The following MYO15B variants were observed in gnomAD, a reference collection of about 807,000 sequenced individuals.
MYO15B encodes the protein myosin XVB.
Under a neutral mutation model 119.3 loss-of-function variants are expected in MYO15B, and 207 were observed. The observed-to-expected ratio is 1.73, with a 90% CI of 1.55 to 1.95. The LOEUF is 1.95. Ranked by LOEUF, MYO15B falls within the 30% of genes most tolerant of loss-of-function variation. The probability of loss-of-function intolerance (pLI) is 0.00; values close to 1 mark genes in which losing one functional copy is unlikely to be tolerated. For synonymous variants in MYO15B, 966 were observed against 498.9 expected, an observed-to-expected ratio of 1.94 and a Z score of -12.48; for missense variants, 2,264 against 1,203.1, an observed-to-expected ratio of 1.88 and a Z score of -13.04.
chr17:75,602,396 C>CCAGGTG (rs2057340875), intron 15 of MYO15B, 121 bp from the exon 16 acceptor site: 1 of 701,102 alleles, frequency 1.4e-6, no homozygotes, highest in Non-Finnish European at 2.6e-6. Context: ...AACACCAAGG[C>CCAGGTG]AGCCTTTCAG....
chr17:75,590,761 C>G (rs1051784759), intron 2 of MYO15B, 72 bp downstream of exon 2: 1 of 192,672 alleles, frequency 5.2e-6, no homozygotes, highest in African/African-American at 2.3e-5. Context: ...CTCCCTGGCA[C>G]CCCTGGAGAT....
intron 41 of MYO15B, chr17:75,617,512 T>C: frequency 5.4e-6 from 3 of 551,222 alleles, no homozygotes; most frequent in Non-Finnish European, 9.6e-6. Flanking sequence ...GGGGCTGTCA[T>C]CGAGAGGCTG....
At chr17:75,595,743 C>T (rs2056815406) in intron 12 of MYO15B, among the ~76,000 whole-genome samples, 1 of 152,186 alleles carries the variant, frequency 6.6e-6, no homozygotes, top group African/African-American at 2.4e-5. Context: ...CGCCTGTAGC[C>T]CCACTTCCCC....
intron 49 of MYO15B, 158 bp from the exon 50 acceptor site, chr17:75,620,873 C>T: frequency 1.4e-6 from 1 of 701,872 alleles, no homozygotes. Flanking sequence ...GTACTTAGTT[C>T]AAGGCTGCCC....
At position 75,594,275 on chromosome 17, in the gene MYO15B, C is replaced by T. The variant is rs532172948; in HGVS notation, c.2992-200C>T. 2.0e-4 allele frequency among the ~76,000 whole-genome samples: 30 copies of T among 152,120 alleles called. 1 individual carries two copies. Among genetic ancestry groups the T allele is most frequent in the Admixed American group, 1.3e-3 (20 of 15,278 alleles). ...AGGAAGGAGCCTGGCCAGAACTGTC[C>T]GCCAGCAAAGAGGGAAAGTAGGACT... On this transcript the variant is annotated intron_variant, in intron 9 of 63. Coordinates refer to ENST00000645453, the Ensembl canonical transcript of MYO15B.
chr17:75,621,628 C>T (rs2058717726), intron 52 of MYO15B, 58 bp downstream of exon 52: 5 of 684,072 alleles, frequency 7.3e-6, no homozygotes, highest in Middle Eastern at 2.6e-4. Flanking sequence ...ACCTGGGTGT[C>T]TGGTCCCCTT....
intron 21 of MYO15B, among the ~76,000 whole-genome samples, chr17:75,609,182 T>C (rs76514705): frequency 0.066 from 9,963 of 151,730 alleles, 358 homozygotes; most frequent in South Asian, 0.075. Flanking sequence ...CGACCAGTGG[T>C]GTTACTTTTT....
Position 75,611,666 on chromosome 17 carries a change from T to G in MYO15B, c.4504+8T>G. On this transcript the variant is annotated splice_region_variant and intron_variant, in intron 24 of 63. Coordinates refer to ENST00000645453, the Ensembl canonical transcript of MYO15B. ...TGCTGAAGACGGCGGAAAGTGAGTC[T>G]TGTTGGTGTCCTCTTGTTAGGACTC... The G allele has an allele frequency of 1.4e-6, 1 of 702,778 alleles. No individual in the cohort carries two copies. 43.5% of individuals were successfully genotyped at this position (702,778 alleles called of 1,614,324 possible). A position where few individuals can be genotyped will look rare whatever the true frequency, so the allele number is the denominator to read the frequency against.
rs1372462474 is a variant in MYO15B, at chr17:75,620,241, C to G, written c.7444-5C>G. ...TGCTCCAGGCCCTCGCCTGCTTGCC[C>G]ACAGGACTCCGGCTATGTCATCGCC... On this transcript the variant is annotated splice_region_variant and splice_polypyrimidine_tract_variant and intron_variant, in intron 47 of 63. Coordinates refer to ENST00000645453, the Ensembl canonical transcript of MYO15B. 2.8e-6 allele frequency: 2 copies of G among 702,474 alleles called. No homozygotes were observed. Among genetic ancestry groups the G allele is most frequent in the Non-Finnish European group, 5.2e-6 (2 of 384,966 alleles). The allele number at this position is 702,474 out of a possible 1,614,324, so 43.5% of individuals were successfully genotyped here. A position where few individuals can be genotyped will look rare whatever the true frequency, so the allele number is the denominator to read the frequency against.
chr17:75,597,807 T>C (rs2056965622), intron 14 of MYO15B, among the ~76,000 whole-genome samples: 2 of 152,134 alleles, frequency 1.3e-5, no homozygotes. Flanking sequence ...TTAGAGCTAC[T>C]TGGGAGGCTG....
chr17:75,609,279 C>T (rs957192580), intron 21 of MYO15B, among the ~76,000 whole-genome samples: 1 of 151,512 alleles, frequency 6.6e-6, no homozygotes, highest in Non-Finnish European at 1.5e-5. Context: ...CCAGTCATAG[C>T]TCCTACCTCA....
At chr17:75,615,944 G>A (rs924798343) in intron 36 of MYO15B, 60 bp downstream of exon 36, 29 of 614,230 alleles carry the variant, frequency 4.7e-5, no homozygotes, top group Middle Eastern at 2.5e-4. Context: ...AGGGGCAGGG[G>A]ACATGGGCAG....
Position 75,602,653 on chromosome 17 carries a change from C to G in MYO15B, c.3729+59C>G. 6 of 616,452 alleles carry G rather than the reference C, an allele frequency of 9.7e-6. No individual in the cohort carries two copies. In the South Asian group the frequency reaches 1.1e-4, roughly 12 times the overall value. 38.2% of individuals were successfully genotyped at this position (616,452 alleles called of 1,614,324 possible). A position where few individuals can be genotyped will look rare whatever the true frequency, so the allele number is the denominator to read the frequency against. ...CCATACTCTGTCCCCCAATTCTGTCCTTTTCCCCCTGGGCGCTCTTGCCCA... is the reference window on the plus strand; with the variant it reads ...CCATACTCTGTCCCCCAATTCTGTCGTTTTCCCCCTGGGCGCTCTTGCCCA... On this transcript the variant is annotated intron_variant, in intron 16 of 63. Transcript: ENST00000645453.
exon 24 of MYO15B, chr17:75,611,644 T>G: frequency 1.4e-6 from 1 of 702,836 alleles, no homozygotes; most frequent in Non-Finnish European, 2.6e-6. Flanking sequence ...GCCGTCATGC[T>G]GAAGACGGCG....
intron 22 of MYO15B, 133 bp from the exon 23 acceptor site, chr17:75,610,767 T>G: frequency 1.5e-6 from 1 of 657,934 alleles, no homozygotes; most frequent in Non-Finnish European, 2.8e-6. Flanking sequence ...GGCTGGCCCC[T>G]CCTGATCTGT....
At chr17:75,612,045 C>A in intron 25 of MYO15B, 29 bp downstream of exon 25, 1 of 701,640 alleles carries the variant, frequency 1.4e-6, no homozygotes, top group South Asian at 1.5e-5. Flanking sequence ...GCTCTTCCCG[C>A]TGGCCTCACC....
At chr17:75,625,933 G>C in exon 62 of MYO15B, 1 of 702,642 alleles carries the variant, frequency 1.4e-6, no homozygotes, top group Non-Finnish European at 2.6e-6. Context: ...CACTCTCCTG[G>C]GGCTCAACCG....
exon 36 of MYO15B, chr17:75,615,782 G>A (rs914586712): frequency 5.4e-5 from 38 of 702,318 alleles, no homozygotes; most frequent in African/African-American, 1.6e-4. Context: ...CCGAGGCTGC[G>A]TCCCAGGCCT....
intron 19 of MYO15B, among the ~76,000 whole-genome samples, chr17:75,604,571 G>C (rs1479165350): frequency 9.1e-6 from 1 of 109,404 alleles, no homozygotes; most frequent in Non-Finnish European, 1.8e-5. Context: ...CCACAAACTT[G>C]TCTTGAGACC....
Sources: gnomAD v4.1 joint callset for allele counts (sites outside exome capture counted in the v4.1 genomes callset) on GRCh38, gnomAD v4.1.1 for gene constraint, MANE v1.5 for transcripts, NCBI Gene and HGNC (gene_info 2026-07-23, HGNC 2026-07-21) for gene names.